The following PREX2 variants were observed in gnomAD, a reference collection of about 807,000 sequenced individuals.
The protein encoded by PREX2 is phosphatidylinositol 3,4,5-trisphosphate-dependent Rac exchanger 2 protein.
A neutral mutation model predicts 203.2 loss-of-function variants in PREX2; 107 were observed. That is an observed-to-expected ratio of 0.53 (90% CI 0.45 to 0.62). PREX2 has a LOEUF of 0.62. PREX2 is among the 20% of genes least tolerant of loss of function. The pLI, the probability that PREX2 is intolerant of heterozygous loss-of-function variation, is 0.00. For synonymous variants in PREX2, 672 were observed against 663.6 expected, an observed-to-expected ratio of 1.01 and a Z score of -0.19; for missense variants, 1,777 against 1,955.9, an observed-to-expected ratio of 0.91 and a Z score of 1.72.
chr8:68,080,359 A>G, intron 15 of PREX2, 84 bp from the exon 16 acceptor site: 2 of 1,214,334 alleles, frequency 1.6e-6, no homozygotes, highest in East Asian at 4.7e-5. Flanking sequence ...GGGTGCAGGT[A>G]TTAATTTGTA....
chr8:68,098,546 G>A (rs962260228), intron 22 of PREX2, among the ~76,000 whole-genome samples: 2 of 152,022 alleles, frequency 1.3e-5, no homozygotes, highest in Non-Finnish European at 2.9e-5. Context: ...TGGGATCCAT[G>A]TAAAAGTTTG....
intron 24 of PREX2, among the ~76,000 whole-genome samples, chr8:68,108,692 A>G (rs1178613391): frequency 6.6e-6 from 1 of 152,200 alleles, no homozygotes; most frequent in African/African-American, 2.4e-5. Context: ...CTGTACCATC[A>G]CAGTAGGACA....
At chr8:68,105,787 T>TTATA (rs1810394715) in intron 23 of PREX2, 1 of 166,422 alleles carries the variant, frequency 6.0e-6, no homozygotes, top group Non-Finnish European at 1.2e-5. Context: ...TCCCATAAGA[T>TTATA]TATACTACTA....
chr8:68,222,129 G>C (rs936421361), intron 38 of PREX2, among the ~76,000 whole-genome samples: 8 of 152,050 alleles, frequency 5.3e-5, no homozygotes, highest in African/African-American at 1.9e-4. Flanking sequence ...GAATATAGAT[G>C]TATGAGTATG....
intron 1 of PREX2, among the ~76,000 whole-genome samples, chr8:67,966,685 TTTA>T (rs1448111926): frequency 6.6e-6 from 1 of 152,156 alleles, no homozygotes; most frequent in African/African-American, 2.4e-5. Context: ...CAAAACCAAC[TTTA>T]TTAAGTGAAA....
chr8:68,109,487 G>A lies in PREX2; in HGVS notation c.3010G>A (p.Gly1004Arg), dbSNP rs1455830470. Residue 1004 changes from glycine (G) to arginine (R), a missense_variant, in exon 25 of 40, where the codon GGA becomes AGA. By Grantham distance (125) the Gly-to-Arg change is moderately radical. Coordinates refer to ENST00000288368, the MANE Select transcript of PREX2 (RefSeq NM_024870.4). Reference protein sequence around the residue: ...TMAAPSGLSLGQQDGHGLRYL... With the variant: ...TMAAPSGLSLRQQDGHGLRYL... ...GGCGGCCCCTTCAGGTCTGTCTCTG[G>A]GACAGCAGGATGGCCATGGTCTCAG... 6.2e-7 allele frequency: 1 copy of A among 1,613,950 alleles called. No individual in the cohort carries two copies. Among genetic ancestry groups the A allele is most frequent in the Non-Finnish European group, 8.5e-7 (1 of 1,179,914 alleles).
intron 35 of PREX2, among the ~76,000 whole-genome samples, chr8:68,178,277 C>T (rs563566818): frequency 7.9e-5 from 12 of 152,226 alleles, no homozygotes; most frequent in East Asian, 3.9e-4. Context: ...TCTGCAACCT[C>T]GTCAGCGTCT....
intron 11 of PREX2, among the ~76,000 whole-genome samples, chr8:68,062,615 A>G (rs902825916): frequency 6.6e-6 from 1 of 152,248 alleles, no homozygotes; most frequent in Non-Finnish European, 1.5e-5. Context: ...AATACATGCC[A>G]GGAGCCTTTC....
In PREX2 at chr8:68,022,841, A is replaced by G. The variant is rs1169843940; in HGVS notation, c.441+701A>G. Among the ~76,000 whole-genome samples the G allele has an allele frequency of 2.6e-5, 4 of 152,174 alleles. No homozygotes were observed. In the East Asian group the frequency reaches 7.7e-4, roughly 29 times the overall value. ...TACACTGATTTGTTTTCATCTCTAT[A>G]GATTGCCTTTTCTGGATATTTTATA... On this transcript the variant is annotated intron_variant, in intron 4 of 39. Coordinates refer to ENST00000288368, the MANE Select transcript of PREX2 (RefSeq NM_024870.4).
At position 67,953,751 on chromosome 8, in the gene PREX2, C is replaced by A. The variant is rs563101169; in HGVS notation, c.141+1216C>A. ...TGGTTGACTTCTCAAAATCAATATA[C>A]TTGACTTCCAGGGGCCACATTCTCT... On this transcript the variant is annotated intron_variant, in intron 1 of 39. Coordinates refer to ENST00000288368, the MANE Select transcript of PREX2 (RefSeq NM_024870.4). Among the ~76,000 whole-genome samples the A allele has an allele frequency of 2.6e-5, 4 of 152,292 alleles. No homozygotes were observed. The East Asian group carries it at 7.7e-4, about 29-fold the overall frequency.
rs778735425 is a variant in PREX2, at chr8:68,114,335, A to C, written c.3147-1418A>C. 1.2e-4 allele frequency: 59 copies of C among 505,382 alleles called. No homozygotes were observed. In the East Asian group the frequency reaches 3.2e-3, roughly 27 times the overall value. The allele number at this position is 505,382 out of a possible 1,614,324, so 31.3% of individuals were successfully genotyped here. ...TATCGTCACCGTCTTGAAATAACAA[A>C]CATTACATTGCTATGGAAAAATGAG... is the stretch of plus-strand genomic sequence containing the variant. On this transcript the variant is annotated intron_variant, in intron 25 of 39. Transcript: ENST00000288368.
rs538952081 is a variant in PREX2, at chr8:68,122,601, AT to A, written c.3724+1555del. Among the ~76,000 whole-genome samples, 9 of 152,134 alleles carry A rather than the reference AT, an allele frequency of 5.9e-5. No homozygotes were observed. In the South Asian group the frequency reaches 1.9e-3, roughly 31 times the overall value. ...GTTCTCATCATCTTTGAGATTTTATATTTGTTTTAAGGTAAATGCATATTGG... is the reference window on the plus strand; with the variant it reads ...GTTCTCATCATCTTTGAGATTTTATATTGTTTTAAGGTAAATGCATATTGG... On this transcript the variant is annotated intron_variant, in intron 30 of 39. Coordinates refer to ENST00000288368, the MANE Select transcript of PREX2 (RefSeq NM_024870.4).
At chr8:68,039,747 A>G (rs544229647) in intron 7 of PREX2, among the ~76,000 whole-genome samples, 30 of 152,108 alleles carry the variant, frequency 2.0e-4, no homozygotes, top group African/African-American at 2.7e-4. Context: ...TTCCCTCAAC[A>G]TCCCACATCC....
At chr8:68,054,162 G>A (rs1158075472) in intron 9 of PREX2, among the ~76,000 whole-genome samples, 2 of 152,146 alleles carry the variant, frequency 1.3e-5, no homozygotes, top group African/African-American at 4.8e-5. Context: ...GTACATACTT[G>A]TAGAATTTCC....
At position 68,123,978 on chromosome 8, in the gene PREX2, G is replaced by A. The variant is rs527989557; in HGVS notation, c.3724+2929G>A. On this transcript the variant is annotated intron_variant, in intron 30 of 39. Transcript: ENST00000288368. ...ATACAACAACAAAAAGAAAACTTCA[G>A]GCCAGTATTCTTTATGAACATCAAT... 4.7e-4 allele frequency among the ~76,000 whole-genome samples: 72 copies of A among 152,084 alleles called. No homozygotes were observed. In the Middle Eastern group the frequency reaches 0.027, roughly 57 times the overall value.
chr8:68,006,677 AC>A (rs1807108069), intron 1 of PREX2, among the ~76,000 whole-genome samples: 1 of 152,172 alleles, frequency 6.6e-6, no homozygotes, highest in Non-Finnish European at 1.5e-5. Context: ...TATTATGTGC[AC>A]GTTCAAGCTT....
intron 38 of PREX2, among the ~76,000 whole-genome samples, chr8:68,222,960 A>C (rs1055843517): frequency 6.6e-6 from 1 of 152,216 alleles, no homozygotes; most frequent in African/African-American, 2.4e-5. Context: ...ATACTTATCA[A>C]GAGTGTTAAG....
chr8:68,052,849 A>G (rs916458146), intron 8 of PREX2, among the ~76,000 whole-genome samples: 1 of 152,226 alleles, frequency 6.6e-6, no homozygotes, highest in African/African-American at 2.4e-5. Flanking sequence ...ATTAGTTTGT[A>G]GTGTTTAGTT....
At chr8:68,103,813 T>G (rs1810335299) in intron 23 of PREX2, 1 of 477,908 alleles carries the variant, frequency 2.1e-6, no homozygotes, top group Non-Finnish European at 4.1e-6. Context: ...TGTGGTATCC[T>G]ATGCTGACTC....
Sources: allele counts gnomAD v4.1 joint callset (sites outside exome capture counted in the v4.1 genomes callset), GRCh38; gene constraint gnomAD v4.1.1; transcripts MANE v1.5; gene names NCBI Gene and HGNC (gene_info 2026-07-23, HGNC 2026-07-21).